CACNA1H: variants seen among roughly 807,000 people sequenced by gnomAD.
CACNA1H encodes the protein voltage-dependent T-type calcium channel subunit alpha-1H.
CACNA1H carries 149 observed loss-of-function variants against 192.5 expected under a neutral mutation model. The observed-to-expected ratio is 0.77, with a 90% CI of 0.68 to 0.89. CACNA1H has a LOEUF of 0.89. Ranked by LOEUF, CACNA1H falls within the 40% of genes least tolerant of loss-of-function variation. The pLI is 0.00. For missense variants in CACNA1H, 4,257 were observed against 3,423.5 expected, an observed-to-expected ratio of 1.24 and a Z score of -6.08; for synonymous variants, 2,202 against 1,475.2, an observed-to-expected ratio of 1.49 and a Z score of -11.29.
At chr16:1,203,769 G>A (rs528307365) in intron 9 of CACNA1H, among the ~76,000 whole-genome samples, 206 of 152,224 alleles carry the variant, frequency 1.4e-3, no homozygotes, top group Admixed American at 2.9e-3. Flanking sequence ...TCTTCTTATT[G>A]GAACAGTCGT....
intron 6 of CACNA1H, among the ~76,000 whole-genome samples, chr16:1,199,600 C>G (rs549463132): frequency 6.6e-6 from 1 of 151,148 alleles, no homozygotes; most frequent in Non-Finnish European, 1.5e-5. Context: ...CACACCTTAC[C>G]CCAGGGTCTC....
Position 1,220,677 on chromosome 16 carries a change from G to A in CACNA1H, c.6745G>A (p.Glu2249Lys). Residue 2249 changes from glutamate to lysine, a missense_variant, in exon 35 of 35, where the codon GAG becomes AAG. Coordinates refer to ENST00000348261, the MANE Select transcript of CACNA1H (RefSeq NM_021098.3). ...CGGGGGGGACCCTGCAGCCAAGGGG[G>A]AGCGCTGGGGCCAGGCCTCCTGCCG... ...GAGGDPAAKGERWGQASCRAE... is the reference protein window; with the variant it reads ...GAGGDPAAKGKRWGQASCRAE... 1 of 1,609,298 alleles carries A rather than the reference G, an allele frequency of 6.2e-7. No individual in the cohort carries two copies. The highest frequency in any genetic ancestry group is 8.5e-7 in the Non-Finnish European group (1 of 1,178,372).
intron 4 of CACNA1H, 54 bp downstream of exon 4, chr16:1,195,619 C>T (rs1211927258): frequency 2.6e-6 from 4 of 1,550,938 alleles, no homozygotes; most frequent in South Asian, 1.2e-5. Flanking sequence ...CCGCCCACCC[C>T]ACAGGGATCC....
chr16:1,200,832 C>A (rs72552037), intron 8 of CACNA1H, 24 bp downstream of exon 8: 1 of 1,532,032 alleles, frequency 6.5e-7, no homozygotes, highest in Non-Finnish European at 8.9e-7. Context: ...GCAGTGTTCG[C>A]CATGATGGGC....
chr16:1,163,491 C>T (rs1367454884), intron 2 of CACNA1H, among the ~76,000 whole-genome samples: 1 of 152,234 alleles, frequency 6.6e-6, no homozygotes, highest in Non-Finnish European at 1.5e-5. Flanking sequence ...GAGGGGAAAC[C>T]CGTGTCCAGA....
intron 2 of CACNA1H, among the ~76,000 whole-genome samples, chr16:1,172,477 G>C (rs866220105): frequency 2.0e-5 from 3 of 151,252 alleles, no homozygotes; most frequent in African/African-American, 7.3e-5. Flanking sequence ...TGGGGTGGTC[G>C]TGGGGTCCCC....
At chr16:1,162,507 G>A (rs1294244590) in intron 2 of CACNA1H, among the ~76,000 whole-genome samples, 1 of 152,176 alleles carries the variant, frequency 6.6e-6, no homozygotes, top group Non-Finnish European at 1.5e-5. Flanking sequence ...GCAGCCCCCA[G>A]AGAGAGAGGA....
At chr16:1,172,748 G>C (rs1216683176) in intron 2 of CACNA1H, among the ~76,000 whole-genome samples, 1 of 152,090 alleles carries the variant, frequency 6.6e-6, no homozygotes, top group Non-Finnish European at 1.5e-5. Flanking sequence ...CTTCTCCCCG[G>C]GGCACCCAGG....
In CACNA1H at chr16:1,210,450, T is replaced by G; in HGVS notation, c.3926T>G (p.Val1309Gly). 1.9e-6 allele frequency: 3 copies of G among 1,611,730 alleles called. No individual in the cohort carries two copies. Among genetic ancestry groups the G allele is most frequent in the Non-Finnish European group, 2.5e-6 (3 of 1,179,636 alleles). Reference protein sequence around the residue: ...VVLVFIFLNCVTIALERPDID... With the variant: ...VVLVFIFLNCGTIALERPDID... ...CTCGTCTTCATCTTCCTCAACTGCG[T>G]CACCATCGCCCTGGAGAGGCCTGAC... The change falls in exon 19 of 35, where the codon GTC (valine) becomes GGC (glycine). Residue 1309 changes from valine to glycine, a missense_variant. By Grantham distance (109) the Val-to-Gly change is moderately radical. Transcript: ENST00000348261.
rs183109471 is a variant in CACNA1H, at chr16:1,185,472, C to G, written c.300-9500C>G. Among the ~76,000 whole-genome samples, 923 of 151,064 alleles carry G rather than the reference C, an allele frequency of 6.1e-3. 14 individuals carry two copies. The highest frequency in any genetic ancestry group is 0.021 in the African/African-American group (875 of 40,734). On this transcript the variant is annotated intron_variant, in intron 2 of 34. Coordinates refer to ENST00000348261, the MANE Select transcript of CACNA1H (RefSeq NM_021098.3). Reference sequence around the variant, plus strand: ...GTGGGTCCTGCCAGCGGCAGCCAGACTCCCACATGGACGCTGCCATCTGCA... The same window carrying G: ...GTGGGTCCTGCCAGCGGCAGCCAGAGTCCCACATGGACGCTGCCATCTGCA...
chr16:1,212,264 C>A, intron 25 of CACNA1H, 126 bp downstream of exon 25: 2 of 1,371,946 alleles, frequency 1.5e-6, no homozygotes, highest in Non-Finnish European at 1.9e-6. Flanking sequence ...CTTGCCTGGG[C>A]CTGCATGGGG....
chr16:1,187,567 G>A (rs528766526), intron 2 of CACNA1H, among the ~76,000 whole-genome samples: 6 of 152,240 alleles, frequency 3.9e-5, no homozygotes, highest in South Asian at 2.1e-4. Context: ...AGGGGACAGC[G>A]GGTGGGGCAG....
chr16:1,184,180 G>T (rs1354616670), intron 2 of CACNA1H, among the ~76,000 whole-genome samples: 2 of 152,366 alleles, frequency 1.3e-5, no homozygotes, highest in East Asian at 3.9e-4. Context: ...TTCAGGAATG[G>T]TCAGGCCCAG....
chr16:1,195,380 T>C (rs1966869590), intron 3 of CACNA1H, 52 bp from the exon 4 acceptor site: 3 of 1,547,666 alleles, frequency 1.9e-6, no homozygotes, highest in Non-Finnish European at 2.6e-6. Context: ...GGTTGGGGGT[T>C]GTGGGCTGAG....
At chr16:1,188,307 C>A (rs1256282920) in intron 2 of CACNA1H, among the ~76,000 whole-genome samples, 1 of 152,178 alleles carries the variant, frequency 6.6e-6, no homozygotes, top group Non-Finnish European at 1.5e-5. Flanking sequence ...GCTGGTCCCA[C>A]AGCACACGGG....
intron 27 of CACNA1H, among the ~76,000 whole-genome samples, chr16:1,214,306 A>G (rs1969811880): frequency 6.6e-6 from 1 of 152,230 alleles, no homozygotes; most frequent in African/African-American, 2.4e-5. Context: ...CCTCAGCGGA[A>G]GGACTTCGTC....
intron 2 of CACNA1H, among the ~76,000 whole-genome samples, chr16:1,177,951 G>T (rs138497274): frequency 0.01 from 1,573 of 151,650 alleles, 33 homozygotes; most frequent in African/African-American, 0.035. Flanking sequence ...CGGGCTGCGG[G>T]CACCGCCCTT....
chr16:1,207,170 A>AGAGGTG (rs1469963092), intron 13 of CACNA1H, 52 bp downstream of exon 13: 7 of 1,550,028 alleles, frequency 4.5e-6, no homozygotes, highest in Non-Finnish European at 4.4e-6. Flanking sequence ...TGGTCCCCAG[A>AGAGGTG]GAGGTGGAGG....
chr16:1,163,423 G>A (rs1337893678), intron 2 of CACNA1H, among the ~76,000 whole-genome samples: 4 of 152,240 alleles, frequency 2.6e-5, no homozygotes, highest in Non-Finnish European at 5.9e-5. Context: ...CCAGTGAGCT[G>A]CCGGCCTGTG....
Sources: gnomAD v4.1 joint callset for allele counts (sites outside exome capture counted in the v4.1 genomes callset) on GRCh38, gnomAD v4.1.1 for gene constraint, MANE v1.5 for transcripts, NCBI Gene and HGNC (gene_info 2026-07-23, HGNC 2026-07-21) for gene names.